HOMER2: variants seen among roughly 807,000 people sequenced by gnomAD.
HOMER2 encodes homer protein homolog 2.
A neutral mutation model predicts 47.0 loss-of-function variants in HOMER2; 27 were observed. That is an observed-to-expected ratio of 0.57 (90% CI 0.42 to 0.79). HOMER2 has a LOEUF of 0.79. HOMER2 is among the 30% of genes least tolerant of loss of function. The pLI, the probability that HOMER2 is intolerant of heterozygous loss-of-function variation, is 0.00. For missense variants in HOMER2, 443 were observed against 435.0 expected (o/e 1.02, Z -0.16); for synonymous variants, 161 against 163.8 (o/e 0.98, Z 0.13).
intron 1 of HOMER2, among the ~76,000 whole-genome samples, chr15:82,903,660 A>AACAC (rs57941285): frequency 2.1e-4 from 32 of 150,174 alleles, no homozygotes; most frequent in South Asian, 1.1e-3. Context: ...AACTCCTCTA[A>AACAC]ACACACACAC....
intron 3 of HOMER2, among the ~76,000 whole-genome samples, chr15:82,868,539 A>ATTT (rs1481856091): frequency 1.6e-5 from 1 of 62,412 alleles, no homozygotes; most frequent in African/African-American, 5.9e-5. Flanking sequence ...ATATATATAT[A>ATTT]TATTTTTTTT....
At chr15:82,866,861 T>C (rs1310110144) in intron 3 of HOMER2, among the ~76,000 whole-genome samples, 3 of 152,234 alleles carry the variant, frequency 2.0e-5, no homozygotes, top group African/African-American at 7.2e-5. Context: ...TTTTGTAAAT[T>C]GCCCAGTCTT....
chr15:82,956,206 C>T (rs1358319886), upstream of HOMER2, among the ~76,000 whole-genome samples: 1 of 148,546 alleles, frequency 6.7e-6, no homozygotes, highest in Non-Finnish European at 1.5e-5. Flanking sequence ...CATCACTGCA[C>T]TCCAGCCTGG....
intron 1 of HOMER2, among the ~76,000 whole-genome samples, chr15:82,979,377 A>G (rs1044282176): frequency 1.3e-5 from 2 of 152,176 alleles, no homozygotes; most frequent in African/African-American, 4.8e-5. Flanking sequence ...AGGTAAATGG[A>G]TCCAGGCCTA....
At chr15:82,935,589 C>T (rs1596368601) in intron 1 of HOMER2, among the ~76,000 whole-genome samples, 1 of 152,256 alleles carries the variant, frequency 6.6e-6, no homozygotes, top group South Asian at 2.1e-4. Flanking sequence ...CAACCTGAAC[C>T]TGTTGATACT....
chr15:82,937,227 T>C (rs147365520), intron 1 of HOMER2, among the ~76,000 whole-genome samples: 13 of 152,310 alleles, frequency 8.5e-5, no homozygotes, highest in Non-Finnish European at 8.8e-5. Context: ...GTGAATGACA[T>C]ACAGTCTAGA....
intron 2 of HOMER2, among the ~76,000 whole-genome samples, chr15:82,892,164 G>A (rs988435466): frequency 2.0e-5 from 3 of 151,912 alleles, no homozygotes; most frequent in East Asian, 3.9e-4. Flanking sequence ...ACCAAAACCC[G>A]ACTAGATACA....
exon 2 of HOMER2, chr15:82,839,103 A>AC (rs1364591271): frequency 1.3e-5 from 2 of 151,930 alleles, no homozygotes; most frequent in African/African-American, 4.8e-5. Flanking sequence ...TACAGAAAAA[A>AC]AAAACCAAAA....
At chr15:82,891,211 G>C (rs918001635) in intron 2 of HOMER2, among the ~76,000 whole-genome samples, 1 of 152,142 alleles carries the variant, frequency 6.6e-6, no homozygotes, top group African/African-American at 2.4e-5. Flanking sequence ...CAACAAACCA[G>C]GAACTGGTGT....
chr15:82,842,072 G>A (rs556970745), exon 2 of HOMER2: 5 of 152,140 alleles, frequency 3.3e-5, no homozygotes, highest in African/African-American at 9.6e-5. Context: ...TCATAAAAGC[G>A]ATAGATTTAA....
chr15:82,840,913 A>C (rs1237521645), exon 2 of HOMER2: 1 of 152,160 alleles, frequency 6.6e-6, no homozygotes, highest in African/African-American at 2.4e-5. Flanking sequence ...CTAAATATTT[A>C]AATGTTTCCA....
intron 1 of HOMER2, among the ~76,000 whole-genome samples, chr15:82,946,663 T>A (rs1204841997): frequency 1.3e-5 from 2 of 152,096 alleles, no homozygotes; most frequent in Non-Finnish European, 2.9e-5. Context: ...CCCTTCCTTA[T>A]CCTATTGCTA....
chr15:82,957,749 CCATCTGT>C (rs2054598516), downstream of HOMER2, among the ~76,000 whole-genome samples: 1 of 152,190 alleles, frequency 6.6e-6, no homozygotes, highest in African/African-American at 2.4e-5. Context: ...TCCAACAGTC[CCATCTGT>C]CCTCTGCCTC....
At chr15:82,956,338 T>A (rs181053895), upstream of HOMER2, among the ~76,000 whole-genome samples, 107 of 151,274 alleles carry the variant, frequency 7.1e-4, no homozygotes, top group African/African-American at 2.2e-3. Flanking sequence ...GCAACGGCCC[T>A]GAGGTGGTAG....
At chr15:82,937,616 G>A (rs931699405) in intron 1 of HOMER2, among the ~76,000 whole-genome samples, 1 of 152,222 alleles carries the variant, frequency 6.6e-6, no homozygotes, top group Non-Finnish European at 1.5e-5. Context: ...AAGAGGTCAT[G>A]CTGGTGAGAA....
At chr15:82,941,741 C>T (rs1387412313) in intron 1 of HOMER2, among the ~76,000 whole-genome samples, 1 of 152,094 alleles carries the variant, frequency 6.6e-6, no homozygotes, top group Non-Finnish European at 1.5e-5. Flanking sequence ...CATGCCTATA[C>T]CTTCCCAAGC....
intron 1 of HOMER2, among the ~76,000 whole-genome samples, chr15:82,897,071 T>TTTTTTC (rs1596332420): frequency 1.5e-5 from 2 of 130,444 alleles, no homozygotes; most frequent in African/African-American, 7.4e-5. Flanking sequence ...ATTTCTTTTT[T>TTTTTTC]TTTTTTTTTT....
intron 6 of HOMER2, 34 bp from the exon 7 acceptor site, chr15:82,852,286 C>T (rs1379998886): frequency 2.1e-6 from 3 of 1,445,618 alleles, no homozygotes; most frequent in Admixed American, 3.4e-5. Context: ...AGCAGGGACG[C>T]CAGCTTAACA....
chr15:82,918,598 C>T (rs2151166729), intron 1 of HOMER2, among the ~76,000 whole-genome samples: 1 of 152,270 alleles, frequency 6.6e-6, no homozygotes, highest in African/African-American at 2.4e-5. Flanking sequence ...TATGTGATGA[C>T]ACCTGAATGT....
Sources: allele counts gnomAD v4.1 joint callset (sites outside exome capture counted in the v4.1 genomes callset), GRCh38; gene constraint gnomAD v4.1.1; transcripts MANE v1.5; gene names NCBI Gene and HGNC (gene_info 2026-07-23, HGNC 2026-07-21).